TNFSF11: variants seen among roughly 807,000 people sequenced by gnomAD.
TNFSF11 encodes the protein TNF superfamily member 11, also known as tumor necrosis factor ligand superfamily member 11.
A neutral mutation model predicts 32.2 loss-of-function variants in TNFSF11; 12 were observed. The ratio of observed to expected loss-of-function variants is 0.37; its 90% CI spans 0.24 to 0.60. The LOEUF (loss-of-function observed/expected upper bound fraction) is 0.60. TNFSF11 is among the 20% of genes least tolerant of loss of function. TNFSF11 has a pLI of 0.66. For synonymous variants in TNFSF11, 172 were observed against 152.1 expected (o/e 1.13, Z -0.96); for missense variants, 345 against 398.0 (o/e 0.87, Z 1.13).
Position 42,600,898 on chromosome 13 carries a change from C to T in TNFSF11, c.449C>T (p.Ser150Leu), listed in dbSNP as rs1473471657. Residue 150 changes from serine to leucine, a missense_variant, in exon 4 of 5, where the codon TCA (serine) becomes TTA (leucine). Ser to Leu is a moderately radical substitution (Grantham distance 145, BLOSUM62 -2). Around this residue, in one of 2 missense-constraint regions of TNFSF11, gnomAD observed 148 missense variants for 216.0 expected, o/e 0.69. Coordinates refer to ENST00000398795, the MANE Select transcript of TNFSF11 (RefSeq NM_003701.4). ...TCATCTCCAGCGATGGTGGATGGCT[C>T]ATGGTTAGATCTGGCCAAGAGGAGC... ...IRAEKAMVDG[S>L]WLDLAKRSKL... is the part of the protein sequence containing the mutation. 1.2e-6 allele frequency: 2 copies of T among 1,614,126 alleles called. No homozygotes were observed. The highest frequency in any genetic ancestry group is 4.5e-5 in the East Asian group (2 of 44,876).
At chr13:42,588,179 T>A (rs898319516) in intron 2 of TNFSF11, among the ~76,000 whole-genome samples, 4 of 152,248 alleles carry the variant, frequency 2.6e-5, no homozygotes, top group African/African-American at 9.6e-5. Flanking sequence ...ATAAAAGCTG[T>A]CTTTATGGGA....
In TNFSF11 at chr13:42,579,432, G is replaced by A. The variant is rs1234142131; in HGVS notation, c.220-1694G>A. Among the ~76,000 whole-genome samples the A allele has an allele frequency of 7.8e-5, 11 of 140,206 alleles. No homozygotes were observed. The South Asian group carries it at 1.9e-3, about 24-fold the overall frequency. 92.0% of individuals were successfully genotyped at this position (140,206 alleles called of 152,430 possible). A position where few individuals can be genotyped will look rare whatever the true frequency, so the allele number is the denominator to read the frequency against. On this transcript the variant is annotated intron_variant, in intron 1 of 4. Coordinates refer to ENST00000398795, the MANE Select transcript of TNFSF11 (RefSeq NM_003701.4). Reference sequence around the variant, plus strand: ...CCTGTCTTCAAAAAAAAAAAAAAAAGGAAAAGAAAAAGAGAAAGAAAAATA... The same window carrying A: ...CCTGTCTTCAAAAAAAAAAAAAAAAAGAAAAGAAAAAGAGAAAGAAAAATA...
chr13:42,581,731 C>G lies in TNFSF11; in HGVS notation c.387+438C>G, dbSNP rs369214255. Among the ~76,000 whole-genome samples, 10 of 152,206 alleles carry G rather than the reference C, an allele frequency of 6.6e-5. No individual in the cohort carries two copies. In the South Asian group the frequency reaches 1.7e-3, roughly 25 times the overall value. On this transcript the variant is annotated intron_variant, in intron 2 of 4. Transcript: ENST00000398795. ...ATTCCACATCTGTTGATCCAGGGCT[C>G]TGATGAGAAGCAGTTGTAACTCTTG...
At chr13:42,594,905 G>A (rs141722259) in intron 2 of TNFSF11, among the ~76,000 whole-genome samples, 3 of 151,754 alleles carry the variant, frequency 2.0e-5, no homozygotes, top group African/African-American at 4.8e-5. Context: ...AAGAAATTGT[G>A]TAATCCCAGC....
At chr13:42,580,507 C>T (rs566100028) in intron 1 of TNFSF11, among the ~76,000 whole-genome samples, 1 of 152,236 alleles carries the variant, frequency 6.6e-6, no homozygotes, top group South Asian at 2.1e-4. Flanking sequence ...GTATACCATT[C>T]CAGCTTGAGA....
chr13:42,607,054 T>C lies in TNFSF11; in HGVS notation c.*136T>C. 1 of 1,117,412 alleles carries C rather than the reference T, an allele frequency of 8.9e-7. No individual in the cohort carries two copies. The highest frequency in any genetic ancestry group is 1.3e-6 in the Non-Finnish European group (1 of 768,406). The allele number at this position is 1,117,412 out of a possible 1,614,324, so 69.2% of individuals were successfully genotyped here. ...ACGGTACACGACTCAGTATCCATGC[T>C]CTTGACCTTGTAGAGAACACGCGTA... On this transcript the variant is annotated 3_prime_UTR_variant, in exon 5 of 5. Coordinates refer to ENST00000398795, the MANE Select transcript of TNFSF11 (RefSeq NM_003701.4).
intron 2 of TNFSF11, among the ~76,000 whole-genome samples, chr13:42,568,887 T>C (rs911196314): frequency 7.9e-5 from 12 of 152,200 alleles, no homozygotes; most frequent in Admixed American, 7.9e-4. Context: ...ACTTATAAAT[T>C]AGTTGCAACT....
In TNFSF11 at chr13:42,581,217, T is replaced by C. The variant is rs754708478; in HGVS notation, c.311T>C (p.Leu104Pro). 1 of 1,614,068 alleles carries C rather than the reference T, an allele frequency of 6.2e-7. No homozygotes were observed. Among genetic ancestry groups the C allele is most frequent in the Admixed American group, 1.7e-5 (1 of 60,020 alleles). The part of the protein sequence containing the change: ...HENADFQDTT[L>P]ESQDTKLIPD... ...AATGCAGATTTTCAAGACACAACTC[T>C]GGAGAGTCAAGATACAAAATTAATA... Residue 104 changes from leucine to proline, a missense_variant, in exon 2 of 5, where the codon CTG becomes CCG. Coordinates refer to ENST00000398795, the MANE Select transcript of TNFSF11 (RefSeq NM_003701.4).
At chr13:42,565,288 A>G (rs867916452) in intron 1 of TNFSF11, among the ~76,000 whole-genome samples, 5 of 151,746 alleles carry the variant, frequency 3.3e-5, no homozygotes, top group South Asian at 2.1e-4. Context: ...TGGTAATGCC[A>G]TGGTCTACTG....
chr13:42,588,072 G>T (rs765902574), intron 2 of TNFSF11, among the ~76,000 whole-genome samples: 1 of 152,188 alleles, frequency 6.6e-6, no homozygotes, highest in Non-Finnish European at 1.5e-5. Context: ...CCCAAGTCAC[G>T]ATGTTAGTCA....
upstream of TNFSF11, among the ~76,000 whole-genome samples, chr13:42,569,937 T>C (rs1032487395): frequency 1.3e-5 from 2 of 152,098 alleles, no homozygotes; most frequent in Non-Finnish European, 2.9e-5. Flanking sequence ...AAAATCTGTT[T>C]TTTTAAATAA....
chr13:42,563,292 C>T (rs1423674547), intron 1 of TNFSF11, among the ~76,000 whole-genome samples: 1 of 152,170 alleles, frequency 6.6e-6, no homozygotes, highest in Non-Finnish European at 1.5e-5. Context: ...TAACTTGGGC[C>T]TCCTCTTTTA....
intron 2 of TNFSF11, among the ~76,000 whole-genome samples, chr13:42,591,254 G>A (rs1282907289): frequency 2.6e-5 from 4 of 152,124 alleles, no homozygotes; most frequent in African/African-American, 9.7e-5. Flanking sequence ...AAGAATTATA[G>A]GGATCAGAAT....
At chr13:42,603,510 T>C (rs1010676044) in intron 4 of TNFSF11, among the ~76,000 whole-genome samples, 1 of 152,194 alleles carries the variant, frequency 6.6e-6, no homozygotes, top group Non-Finnish European at 1.5e-5. Context: ...CTCTTCACAC[T>C]GACTGGCTCT....
At chr13:42,600,079 CT>C (rs746464275) in intron 2 of TNFSF11, among the ~76,000 whole-genome samples, 6 of 152,286 alleles carry the variant, frequency 3.9e-5, no homozygotes, top group Non-Finnish European at 8.8e-5. Flanking sequence ...ATGTGGTTAC[CT>C]ATTTCATCCT....
chr13:42,604,607 C>T (rs1343570536), intron 4 of TNFSF11, among the ~76,000 whole-genome samples: 4 of 152,134 alleles, frequency 2.6e-5, no homozygotes, highest in Non-Finnish European at 5.9e-5. Flanking sequence ...TGTTTGGTTC[C>T]TACAGCCTAG....
chr13:42,596,203 T>C (rs970343570), intron 2 of TNFSF11, among the ~76,000 whole-genome samples: 2 of 152,160 alleles, frequency 1.3e-5, no homozygotes, highest in Non-Finnish European at 2.9e-5. Context: ...GGAGATGCAA[T>C]GTCCCTTATC....
At position 42,583,444 on chromosome 13, in the gene TNFSF11, G is replaced by GAAAAAAAAAA. The variant is rs71202227; in HGVS notation, c.387+2153_387+2154insAAAAAAAAAA. 2.3e-3 allele frequency among the ~76,000 whole-genome samples: 216 copies of GAAAAAAAAAA among 95,532 alleles called. 3 individuals are homozygous for GAAAAAAAAAA. Among genetic ancestry groups the GAAAAAAAAAA allele is most frequent in the African/African-American group, 3.5e-3 (76 of 21,510 alleles). 62.7% of individuals were successfully genotyped at this position (95,532 alleles called of 152,430 possible). On this transcript the variant is annotated intron_variant, in intron 2 of 4. Transcript: ENST00000398795. ...AAAAAAAAAAAAAAAAAAAAGAAAG[G>GAAAAAAAAAA]AAGAAAGGAAGGAAGGAAAAAGATT... is the stretch of plus-strand genomic sequence containing the variant.
At chr13:42,595,426 T>C (rs967530683) in intron 2 of TNFSF11, among the ~76,000 whole-genome samples, 1 of 152,232 alleles carries the variant, frequency 6.6e-6, no homozygotes, top group South Asian at 2.1e-4. Flanking sequence ...TTAATGATCC[T>C]AGCGTGTAAC....
Sources: gnomAD v4.1 joint callset for allele counts (sites outside exome capture counted in the v4.1 genomes callset) on GRCh38, gnomAD v4.1.1 for gene constraint, gnomAD v4.1.1 regional missense constraint, MANE v1.5 for transcripts, NCBI Gene and HGNC (gene_info 2026-07-23, HGNC 2026-07-21) for gene names.